Variants in LRP1B observed in about 807,000 individuals in gnomAD.
LRP1B encodes the protein LDL receptor related protein 1B, also known as low-density lipoprotein receptor-related protein 1B.
Under a neutral mutation model 556.6 loss-of-function variants are expected in LRP1B, and 217 were observed. The ratio of observed to expected loss-of-function variants is 0.39; its 90% CI spans 0.35 to 0.44. The LOEUF (loss-of-function observed/expected upper bound fraction) is 0.44, where lower values mean the gene tolerates loss of function less well. Ranked by LOEUF, LRP1B falls within the 20% of genes least tolerant of loss-of-function variation. LRP1B has a pLI of 1.00. For synonymous variants in LRP1B, 2,047 were observed against 1,865.8 expected (o/e 1.10, Z -2.50); for missense variants, 5,053 against 5,620.8 (o/e 0.90, Z 3.23).
intron 35 of LRP1B, among the ~76,000 whole-genome samples, chr2:140,748,828 C>T (rs374600634): frequency 0.031 from 2,421 of 78,918 alleles, 122 homozygotes; most frequent in African/African-American, 0.035. Context: ...TAATATATAT[C>T]ATATATTATA....
chr2:140,456,634 A>G lies in LRP1B; in HGVS notation c.9815-31T>C, dbSNP rs545159326. On this transcript the variant is annotated intron_variant, in intron 61 of 90. Coordinates refer to ENST00000389484, the MANE Select transcript of LRP1B (RefSeq NM_018557.3). ...GATAAGAAAGAAACAACAACAACAA[A>G]ACAGGATAATCAAGACTAATAATAT... The G allele has an allele frequency of 1.3e-5, 21 of 1,590,234 alleles. No homozygotes were observed. The South Asian group carries it at 2.0e-4, about 15-fold the overall frequency.
intron 2 of LRP1B, among the ~76,000 whole-genome samples, chr2:141,690,792 C>A (rs1691501218): frequency 6.6e-6 from 1 of 151,598 alleles, no homozygotes. Context: ...CCCTTCCTGG[C>A]AGTTTGATTC....
intron 77 of LRP1B, among the ~76,000 whole-genome samples, chr2:140,344,674 C>A (rs539560613): frequency 9.2e-5 from 14 of 151,798 alleles, no homozygotes; most frequent in Non-Finnish European, 2.1e-4. Flanking sequence ...TTGGGGCATG[C>A]TAGTTTCAAG....
Position 140,878,045 on chromosome 2 carries a change from G to A in LRP1B, c.4169+5772C>T, listed in dbSNP as rs1486529502. On this transcript the variant is annotated intron_variant, in intron 25 of 90. Coordinates refer to ENST00000389484, the MANE Select transcript of LRP1B (RefSeq NM_018557.3). ...TATTCAGAAAAACAATATCCAAATTGTTTATTGTTCGATAATGAAATATGT... is the reference window on the plus strand; with the variant it reads ...TATTCAGAAAAACAATATCCAAATTATTTATTGTTCGATAATGAAATATGT... Among the ~76,000 whole-genome samples the A allele has an allele frequency of 2.0e-5, 3 of 152,214 alleles. No homozygotes were observed. In the East Asian group the frequency reaches 5.8e-4, roughly 29 times the overall value.
At position 142,060,921 on chromosome 2, in the gene LRP1B, C is replaced by T. The variant is rs193062531; in HGVS notation, c.82+69727G>A. Among the ~76,000 whole-genome samples the T allele has an allele frequency of 4.6e-5, 7 of 151,994 alleles. No individual in the cohort carries two copies. In the East Asian group the frequency reaches 1.2e-3, roughly 25 times the overall value. ...AACCGTGTATGTCCTAATGCACTGA[C>T]AATTAGAGTTCATAGATGACCAGGG... On this transcript the variant is annotated intron_variant, in intron 1 of 90. Transcript: ENST00000389484.
chr2:141,213,312 T>C (rs2105258165), intron 6 of LRP1B, among the ~76,000 whole-genome samples: 1 of 152,154 alleles, frequency 6.6e-6, no homozygotes, highest in African/African-American at 2.4e-5. Flanking sequence ...TAATAAAGAT[T>C]AATAAAAACA....
chr2:140,575,176 T>C (rs550981812), intron 43 of LRP1B, among the ~76,000 whole-genome samples: 1 of 152,232 alleles, frequency 6.6e-6, no homozygotes, highest in African/African-American at 2.4e-5. Context: ...GAGTTGAGTA[T>C]GTGCAGAGGG....
At chr2:140,636,880 G>A (rs898487778) in intron 41 of LRP1B, among the ~76,000 whole-genome samples, 4 of 152,144 alleles carry the variant, frequency 2.6e-5, no homozygotes, top group African/African-American at 9.7e-5. Flanking sequence ...TATTACTTCA[G>A]AGGGAAAAGA....
At chr2:140,256,360 T>G (rs1438565246) in intron 86 of LRP1B, among the ~76,000 whole-genome samples, 2 of 151,388 alleles carry the variant, frequency 1.3e-5, no homozygotes, top group African/African-American at 4.8e-5. Context: ...CGTTTTAACC[T>G]TAGTCTCCCC....
At chr2:140,463,437 G>C (rs1334547605) in intron 60 of LRP1B, among the ~76,000 whole-genome samples, 2 of 152,172 alleles carry the variant, frequency 1.3e-5, no homozygotes, top group Non-Finnish European at 1.5e-5. Context: ...CCTACAACGA[G>C]CAGCTCTGAA....
At chr2:140,375,755 T>A (rs925436997) in intron 68 of LRP1B, among the ~76,000 whole-genome samples, 6 of 152,106 alleles carry the variant, frequency 3.9e-5, no homozygotes, top group Non-Finnish European at 8.8e-5. Context: ...TTACAACATA[T>A]TACGCTAAAT....
intron 88 of LRP1B, among the ~76,000 whole-genome samples, chr2:140,238,550 A>G (rs533956198): frequency 2.0e-5 from 3 of 151,000 alleles, no homozygotes; most frequent in South Asian, 2.1e-4. Flanking sequence ...ATATTTACCA[A>G]TCTTTTTAAA....
chr2:141,189,868 G>A (rs1403637632), intron 6 of LRP1B, among the ~76,000 whole-genome samples: 1 of 151,724 alleles, frequency 6.6e-6, no homozygotes, highest in African/African-American at 2.4e-5. Context: ...AGTACCTGGG[G>A]AGCAGCCAAT....
chr2:140,568,805 C>A (rs909979504), intron 43 of LRP1B, among the ~76,000 whole-genome samples: 1 of 151,656 alleles, frequency 6.6e-6, no homozygotes, highest in Non-Finnish European at 1.5e-5. Context: ...ACCTTACAGA[C>A]CAGGAAATAA....
intron 3 of LRP1B, among the ~76,000 whole-genome samples, chr2:141,447,671 T>TAA (rs1681247631): frequency 1.3e-5 from 2 of 152,198 alleles, no homozygotes; most frequent in African/African-American, 4.8e-5. Context: ...GCCAGGCCCC[T>TAA]CTGCTGCAGG....
At chr2:141,683,472 G>T (rs1427136972) in intron 2 of LRP1B, among the ~76,000 whole-genome samples, 3 of 152,088 alleles carry the variant, frequency 2.0e-5, no homozygotes, top group Non-Finnish European at 4.4e-5. Flanking sequence ...TTTAAAACTA[G>T]GGGATAATGG....
chr2:140,247,263 A>G, intron 86 of LRP1B, 101 bp from the exon 87 acceptor site: 1 of 742,132 alleles, frequency 1.3e-6, no homozygotes, highest in Non-Finnish European at 2.4e-6. Flanking sequence ...TACAGGAGCC[A>G]GTCATCACAA....
chr2:140,952,538 C>T (rs576435785), intron 18 of LRP1B, among the ~76,000 whole-genome samples: 15 of 148,998 alleles, frequency 1.0e-4, no homozygotes, highest in African/African-American at 3.0e-4. Flanking sequence ...AACAAAAAAC[C>T]GAAAAAAAAA....
intron 3 of LRP1B, among the ~76,000 whole-genome samples, chr2:141,433,774 T>G (rs1475567538): frequency 6.6e-6 from 1 of 152,018 alleles, no homozygotes; most frequent in Non-Finnish European, 1.5e-5. Flanking sequence ...TGGAGTTTGT[T>G]GCATTTCTTG....
Sources: allele counts gnomAD v4.1 joint callset (sites outside exome capture counted in the v4.1 genomes callset), GRCh38; gene constraint gnomAD v4.1.1; transcripts MANE v1.5; gene names NCBI Gene and HGNC (gene_info 2026-07-23, HGNC 2026-07-21).